Variants in NT5DC3 observed in about 807,000 individuals in gnomAD.
The protein encoded by NT5DC3 is 5'-nucleotidase domain containing 3, also known as 5'-nucleotidase domain-containing protein 3.
NT5DC3 carries 42 observed loss-of-function variants against 67.8 expected under a neutral mutation model. That is an observed-to-expected ratio of 0.62 (90% CI 0.48 to 0.80). The LOEUF is 0.80. Ranked by LOEUF, NT5DC3 falls within the 30% of genes least tolerant of loss-of-function variation. NT5DC3 has a pLI of 0.00. For missense variants in NT5DC3, 570 were observed against 696.4 expected (o/e 0.82, Z 2.04); for synonymous variants, 237 against 255.6 (o/e 0.93, Z 0.69).
intron 9 of NT5DC3, 63 bp downstream of exon 9, chr12:103,793,101 C>G (rs938848062): frequency 2.3e-5 from 27 of 1,149,552 alleles, no homozygotes; most frequent in Middle Eastern, 3.9e-4. Flanking sequence ...CCAAGACACA[C>G]CATCTATATA....
chr12:103,756,462 A>G, the NT5DC3 span, among the ~76,000 whole-genome samples: 1 of 137,426 alleles, frequency 7.3e-6, no homozygotes, highest in Non-Finnish European at 1.7e-5. Flanking sequence ...AGCAGGTGGC[A>G]CATGACAGGT....
In NT5DC3 at chr12:103,794,145, C is replaced by CTTT; in HGVS notation, c.754-149_754-148insAAA. 3.0e-5 allele frequency: 12 copies of CTTT among 399,038 alleles called. No homozygotes were observed. In the East Asian group the frequency reaches 3.6e-4, roughly 12 times the overall value. The allele number at this position is 399,038 out of a possible 1,614,324, so 24.7% of individuals were successfully genotyped here. A position where few individuals can be genotyped will look rare whatever the true frequency, so the allele number is the denominator to read the frequency against. On this transcript the variant is annotated intron_variant, in intron 6 of 13. Transcript: ENST00000392876. ...CAAAATCTAAATTCTGGTCCATTTT[C>CTTT]TTCTTCTTTTTTTTTTTTTTTTGAG...
intron 1 of NT5DC3, among the ~76,000 whole-genome samples, chr12:103,828,786 C>T (rs1351246518): frequency 2.0e-5 from 3 of 150,832 alleles, no homozygotes; most frequent in Non-Finnish European, 2.9e-5. Context: ...CAACACTCTG[C>T]CACACAGTTT....
intron 1 of NT5DC3, among the ~76,000 whole-genome samples, chr12:103,833,719 GA>G (rs11462957): frequency 0.016 from 2,301 of 143,078 alleles, 16 homozygotes; most frequent in African/African-American, 0.023. Flanking sequence ...TAATTCTAAT[GA>G]AAAAAAAAAA....
rs193168766 is a variant in NT5DC3, at chr12:103,793,199, C to A, written c.984G>T (p.Gln328His). 3 of 1,607,910 alleles carry A rather than the reference C, an allele frequency of 1.9e-6. No individual in the cohort carries two copies. The East Asian group carries it at 6.7e-5, about 36-fold the overall frequency. ...WRDLFDVVIV[Q>H]AEKPNFFNDK... ...CATTAAAGAAGTTTGGCTTCTCAGC[C>A]TGAACAATGACCACATCGAACAGGT... Residue 328 changes from glutamine to histidine, a missense_variant, in exon 9 of 14, where the codon CAG becomes CAT. Gln to His is a conservative substitution (Grantham distance 24, BLOSUM62 0). This residue lies in a region of NT5DC3 where 466 missense variants were observed against 608.0 expected (regional missense o/e 0.77). Transcript: ENST00000392876.
At chr12:103,814,658 G>A (rs527679248) in intron 2 of NT5DC3, among the ~76,000 whole-genome samples, 2 of 152,256 alleles carry the variant, frequency 1.3e-5, no homozygotes, top group East Asian at 1.9e-4. Flanking sequence ...AGGAGACACC[G>A]TGTCATTCTG....
At chr12:103,820,839 C>G (rs955320987) in intron 1 of NT5DC3, 1 of 152,270 alleles carries the variant, frequency 6.6e-6, no homozygotes, top group Non-Finnish European at 1.5e-5. Context: ...AAGGATGGAT[C>G]TGACAAACCG....
At chr12:103,750,725 G>T in the NT5DC3 span, 1 of 1,611,708 alleles carries the variant, frequency 6.2e-7, no homozygotes, top group Non-Finnish European at 8.5e-7. Flanking sequence ...TCCAGGGTTA[G>T]TGTGACCAGG....
the NT5DC3 span, chr12:103,758,990 A>G: frequency 1.4e-6 from 2 of 1,407,580 alleles, no homozygotes; most frequent in Middle Eastern, 1.9e-4. Flanking sequence ...AAGCCTAAGA[A>G]AACCTTGACA....
chr12:103,787,577 C>G, intron 10 of NT5DC3, 50 bp from the exon 11 acceptor site: 1 of 1,039,056 alleles, frequency 9.6e-7, no homozygotes, highest in Non-Finnish European at 1.4e-6. Context: ...AGAGATCTGT[C>G]TAACCCACAG....
intron 1 of NT5DC3, among the ~76,000 whole-genome samples, chr12:103,816,554 T>C (rs1368944554): frequency 1.3e-5 from 2 of 152,236 alleles, no homozygotes; most frequent in Non-Finnish European, 2.9e-5. Flanking sequence ...GGTTTCTTTT[T>C]TGAGCAGTTC....
chr12:103,761,103 C>G, the NT5DC3 span, among the ~76,000 whole-genome samples: 2 of 152,140 alleles, frequency 1.3e-5, no homozygotes, highest in African/African-American at 4.8e-5. Context: ...CTGCAGCCCT[C>G]AGATCAGCTT....
At chr12:103,750,644 G>A in the NT5DC3 span, 2 of 1,614,264 alleles carry the variant, frequency 1.2e-6, no homozygotes, top group Non-Finnish European at 1.7e-6. Flanking sequence ...AGCCGGAGCA[G>A]CTGCCCATTG....
chr12:103,830,685 T>A (rs186624375), intron 1 of NT5DC3, among the ~76,000 whole-genome samples: 85 of 152,378 alleles, frequency 5.6e-4, no homozygotes, highest in Non-Finnish European at 1.1e-3. Context: ...ATTTTAAAGA[T>A]TGAAACTTTA....
At chr12:103,828,116 A>C (rs1254108529) in intron 1 of NT5DC3, among the ~76,000 whole-genome samples, 1 of 152,258 alleles carries the variant, frequency 6.6e-6, no homozygotes, top group Non-Finnish European at 1.5e-5. Flanking sequence ...CAAAATGATC[A>C]AATCAAAGGT....
chr12:103,767,373 T>TTGA (rs1342008330), downstream of NT5DC3, among the ~76,000 whole-genome samples: 1 of 152,148 alleles, frequency 6.6e-6, no homozygotes, highest in South Asian at 2.1e-4. Flanking sequence ...AAATTGATGA[T>TTGA]TGATAGAGAC....
At chr12:103,760,202 C>T in the NT5DC3 span, among the ~76,000 whole-genome samples, 2 of 152,122 alleles carry the variant, frequency 1.3e-5, no homozygotes, top group South Asian at 2.1e-4. Flanking sequence ...CTGCAACTGC[C>T]GTTTCTCAAG....
chr12:103,815,064 T>C lies in NT5DC3; in HGVS notation c.266A>G (p.Asn89Ser). ...LLNPDAIFSN[N>S]EMSLSDIEIY... is the part of the protein sequence containing the mutation. ...TTCAATGTCTGACAGGCTCATTTCATTGTTTGAGAAAATGGCATCTGGATT... is the reference window on the plus strand; with the variant it reads ...TTCAATGTCTGACAGGCTCATTTCACTGTTTGAGAAAATGGCATCTGGATT... The change falls in exon 2 of 14, where the codon AAT becomes AGT. Residue 89 changes from asparagine (N) to serine (S), a missense_variant. Around this residue, in one of 2 missense-constraint regions of NT5DC3, gnomAD observed 466 missense variants for 608.0 expected, o/e 0.77. Coordinates refer to ENST00000392876, the MANE Select transcript of NT5DC3 (RefSeq NM_001031701.3). 1.2e-6 allele frequency: 2 copies of C among 1,613,646 alleles called. No individual in the cohort carries two copies. The highest frequency in any genetic ancestry group is 1.7e-6 in the Non-Finnish European group (2 of 1,179,776).
chr12:103,822,654 A>G (rs575596686), intron 1 of NT5DC3, among the ~76,000 whole-genome samples: 2 of 152,096 alleles, frequency 1.3e-5, no homozygotes, highest in Non-Finnish European at 2.9e-5. Flanking sequence ...GGGGTGTTCT[A>G]TTCTTGTTTT....
Sources: allele counts gnomAD v4.1 joint callset (sites outside exome capture counted in the v4.1 genomes callset), GRCh38; gene constraint gnomAD v4.1.1; regional missense constraint gnomAD v4.1.1; transcripts MANE v1.5; gene names NCBI Gene and HGNC (gene_info 2026-07-23, HGNC 2026-07-21).